Variants in LCOR observed in about 807,000 individuals in gnomAD.
LCOR encodes the protein ligand-dependent corepressor.
In LCOR, 14 loss-of-function variants were observed where a neutral mutation model predicts 64.4. The observed-to-expected ratio is 0.22, with a 90% CI of 0.14 to 0.34. The LOEUF (loss-of-function observed/expected upper bound fraction) is 0.34. Ranked by LOEUF, LCOR falls within the 10% of genes least tolerant of loss-of-function variation. The pLI, the probability that LCOR is intolerant of heterozygous loss-of-function variation, is 1.00. For missense variants in LCOR, 1,686 were observed against 1,765.3 expected, an observed-to-expected ratio of 0.96 and a Z score of 0.80; for synonymous variants, 643 against 642.5, an observed-to-expected ratio of 1.00 and a Z score of -0.01.
chr10:96,981,235 A>G lies in LCOR; in HGVS notation c.775A>G (p.Asn259Asp). ...ELPTTKSNSINSSSVDSFTPG... is the reference protein window; with the variant it reads ...ELPTTKSNSIDSSSVDSFTPG... ...TCCAACCACTAAATCGAATTCTATT[A>G]ATAGCAGTTCAGTGGATAGTTTCAC... The change falls in exon 8 of 8, where the codon AAT (asparagine) becomes GAT (aspartate). Residue 259 changes from asparagine to aspartate, a missense_variant. Physicochemically the swap from Asn to Asp is conservative, Grantham distance 23 (BLOSUM62 1). This residue lies in a region of LCOR where 313 missense variants were observed against 247.2 expected (regional missense o/e 1.27). Coordinates refer to ENST00000421806, the MANE Select transcript of LCOR (RefSeq NM_001346516.2). 1.2e-6 allele frequency: 1 copy of G among 858,968 alleles called. No homozygotes were observed. The highest frequency in any genetic ancestry group is 1.9e-6 in the Non-Finnish European group (1 of 522,768). 53.2% of individuals were successfully genotyped at this position (858,968 alleles called of 1,614,324 possible). A position where few individuals can be genotyped will look rare whatever the true frequency, so the allele number is the denominator to read the frequency against.
chr10:96,852,180 G>A (rs1476165381), intron 2 of LCOR, among the ~76,000 whole-genome samples: 1 of 152,212 alleles, frequency 6.6e-6, no homozygotes, highest in Non-Finnish European at 1.5e-5. Flanking sequence ...ACTTTGGGAG[G>A]CTCAGGTGGG....
chr10:96,868,420 G>A (rs1452252406), intron 2 of LCOR, among the ~76,000 whole-genome samples: 2 of 151,242 alleles, frequency 1.3e-5, no homozygotes, highest in African/African-American at 4.9e-5. Flanking sequence ...GATTACAGGC[G>A]CATGCCACCA....
chr10:96,915,090 T>A (rs1480089130), intron 4 of LCOR, among the ~76,000 whole-genome samples: 4 of 152,128 alleles, frequency 2.6e-5, no homozygotes, highest in Non-Finnish European at 5.9e-5. Context: ...CAAGAGGAAG[T>A]CTCTCAAAAC....
At position 96,957,319 on chromosome 10, in the gene LCOR, G is replaced by A. The variant is rs1158199935; in HGVS notation, c.332+5123G>A. On this transcript the variant is annotated intron_variant, in intron 7 of 7. Coordinates refer to ENST00000421806, the MANE Select transcript of LCOR (RefSeq NM_001346516.2). Reference sequence around the variant, plus strand: ...GTTCAGGACCTTTGAGATCATGTTTGTATAAGCACTCCTTGAAGAATATCT... The same window carrying A: ...GTTCAGGACCTTTGAGATCATGTTTATATAAGCACTCCTTGAAGAATATCT... 3.0e-6 allele frequency: 3 copies of A among 984,936 alleles called. No individual in the cohort carries two copies. In the Admixed American group the frequency reaches 1.8e-4, roughly 61 times the overall value. 61.0% of individuals were successfully genotyped at this position (984,936 alleles called of 1,614,324 possible). A position where few individuals can be genotyped will look rare whatever the true frequency, so the allele number is the denominator to read the frequency against.
At chr10:96,837,534 C>T (rs542656665) in intron 2 of LCOR, among the ~76,000 whole-genome samples, 2 of 152,186 alleles carry the variant, frequency 1.3e-5, no homozygotes, top group African/African-American at 4.8e-5. Flanking sequence ...GGATTACAGG[C>T]GTGAGCCACC....
intron 5 of LCOR, 120 bp from the exon 6 acceptor site, chr10:96,948,888 G>A (rs2134522372): frequency 4.5e-6 from 3 of 673,712 alleles, no homozygotes; most frequent in Admixed American, 2.8e-5. Flanking sequence ...TCAAAGGGGA[G>A]ATACTATTTT....
At chr10:96,973,357 A>T (rs1241814017) in intron 7 of LCOR, among the ~76,000 whole-genome samples, 1 of 152,222 alleles carries the variant, frequency 6.6e-6, no homozygotes, top group African/African-American at 2.4e-5. Context: ...CTTCTCCATT[A>T]TGTCTACACA....
intron 2 of LCOR, among the ~76,000 whole-genome samples, chr10:96,889,892 A>G (rs1005471699): frequency 5.3e-5 from 8 of 152,088 alleles, no homozygotes; most frequent in African/African-American, 1.4e-4. Context: ...TTTTGTTTGA[A>G]CACCTGTTTT....
At chr10:96,833,680 C>T (rs1019415273) in intron 2 of LCOR, among the ~76,000 whole-genome samples, 1 of 152,220 alleles carries the variant, frequency 6.6e-6, no homozygotes, top group Non-Finnish European at 1.5e-5. Context: ...AGCCCCTTCT[C>T]CCCCAGGGGA....
intron 4 of LCOR, among the ~76,000 whole-genome samples, chr10:96,924,734 A>G (rs903010558): frequency 6.6e-6 from 1 of 152,074 alleles, no homozygotes; most frequent in Non-Finnish European, 1.5e-5. Flanking sequence ...GAGCCATATG[A>G]AAATAAGTTG....
At chr10:96,980,393 T>G (rs1388707325) in intron 7 of LCOR, among the ~76,000 whole-genome samples, 1 of 152,228 alleles carries the variant, frequency 6.6e-6, no homozygotes, top group Non-Finnish European at 1.5e-5. Context: ...AAGATAAAAA[T>G]GATTTTTGAA....
Position 96,926,591 on chromosome 10 carries a change from ATC to A in LCOR, c.-183-17521_-183-17520del, listed in dbSNP as rs1847171513. On this transcript the variant is annotated intron_variant, in intron 4 of 7. Coordinates refer to ENST00000421806, the MANE Select transcript of LCOR (RefSeq NM_001346516.2). ...ATAGTATTTATGTACAATAAAATTC[ATC>A]CAAAGAGTACATTTGGATGAATTTT... is the stretch of plus-strand genomic sequence containing the variant. 2.6e-5 allele frequency among the ~76,000 whole-genome samples: 4 copies of A among 152,304 alleles called. No homozygotes were observed. In the East Asian group the frequency reaches 7.7e-4, roughly 29 times the overall value.
intron 4 of LCOR, among the ~76,000 whole-genome samples, chr10:96,926,417 C>T (rs1432478744): frequency 1.3e-5 from 2 of 152,094 alleles, no homozygotes; most frequent in Non-Finnish European, 2.9e-5. Context: ...AAAATAATCA[C>T]ATATCTTTGT....
intron 2 of LCOR, among the ~76,000 whole-genome samples, chr10:96,890,013 G>A (rs959619717): frequency 6.6e-6 from 1 of 152,110 alleles, no homozygotes; most frequent in Non-Finnish European, 1.5e-5. Flanking sequence ...GCGCCGTTTT[G>A]CATTCCCACC....
At chr10:96,875,634 G>C (rs1589623834) in intron 2 of LCOR, among the ~76,000 whole-genome samples, 1 of 152,082 alleles carries the variant, frequency 6.6e-6, no homozygotes, top group Admixed American at 6.6e-5. Flanking sequence ...GGCTGAGGTG[G>C]GCCAGTCGTT....
intron 2 of LCOR, among the ~76,000 whole-genome samples, chr10:96,837,265 C>T (rs1178816973): frequency 2.0e-5 from 3 of 152,008 alleles, no homozygotes; most frequent in Admixed American, 6.6e-5. Context: ...GCTGGGATTA[C>T]AGGCATGAGC....
chr10:96,887,021 C>G (rs1846355175), intron 2 of LCOR, among the ~76,000 whole-genome samples: 1 of 152,132 alleles, frequency 6.6e-6, no homozygotes, highest in Admixed American at 6.5e-5. Flanking sequence ...CCCTGGGCCC[C>G]TGGTGGTTCC....
At chr10:96,941,089 G>C (rs1303804104) in intron 4 of LCOR, among the ~76,000 whole-genome samples, 1 of 130,336 alleles carries the variant, frequency 7.7e-6, no homozygotes, top group African/African-American at 3.1e-5. Context: ...CTCCCGGACG[G>C]GGCGGCTGGC....
At chr10:96,911,591 A>G (rs1589649976) in intron 4 of LCOR, among the ~76,000 whole-genome samples, 1 of 152,216 alleles carries the variant, frequency 6.6e-6, no homozygotes, top group Non-Finnish European at 1.5e-5. Context: ...AGAATTAAGT[A>G]GGTCTTGGAA....
Sources: allele counts gnomAD v4.1 joint callset (sites outside exome capture counted in the v4.1 genomes callset), GRCh38; gene constraint gnomAD v4.1.1; regional missense constraint gnomAD v4.1.1; transcripts MANE v1.5; gene names NCBI Gene and HGNC (gene_info 2026-07-23, HGNC 2026-07-21).